NTPCR: variants seen among roughly 807,000 people sequenced by gnomAD.
The protein encoded by NTPCR is cancer-related nucleoside-triphosphatase.
NTPCR carries 15 observed loss-of-function variants against 19.5 expected under a neutral mutation model. That is an observed-to-expected ratio of 0.77 (90% CI 0.51 to 1.18). NTPCR has a LOEUF of 1.18. Among genes scored for constraint, NTPCR ranks in the 50% most tolerant of loss-of-function variants. The pLI is 0.00. For synonymous variants in NTPCR, 90 were observed against 95.8 expected, an observed-to-expected ratio of 0.94 and a Z score of 0.36; for missense variants, 206 against 240.4, an observed-to-expected ratio of 0.86 and a Z score of 0.95.
Position 232,956,455 on chromosome 1 carries a change from A to T in NTPCR, c.294+12A>T. Reference sequence around the variant, plus strand: ...CCGTCTTGAGGAATGTGAGTACGTGATTTCTGCTTTTTGAACCCATCTGCT... The same window carrying T: ...CCGTCTTGAGGAATGTGAGTACGTGTTTTCTGCTTTTTGAACCCATCTGCT... On this transcript the variant is annotated intron_variant, in intron 3 of 4. Transcript: ENST00000366628. 1 of 1,584,532 alleles carries T rather than the reference A, an allele frequency of 6.3e-7. No individual in the cohort carries two copies. The highest frequency in any genetic ancestry group is 8.7e-7 in the Non-Finnish European group (1 of 1,153,356).
chr1:232,951,021 C>T, intron 1 of NTPCR: 1 of 448,382 alleles, frequency 2.2e-6, no homozygotes, highest in East Asian at 4.0e-5. Flanking sequence ...CCAGCGGCAG[C>T]GGTAACTCCT....
intron 3 of NTPCR, 83 bp from the exon 4 acceptor site, chr1:232,969,826 G>T: frequency 8.9e-7 from 1 of 1,126,108 alleles, no homozygotes; most frequent in Non-Finnish European, 1.3e-6. Context: ...TTACCTCATT[G>T]GTGAGTGATT....
chr1:232,965,139 A>T (rs577982631), intron 3 of NTPCR: 1 of 152,262 alleles, frequency 6.6e-6, no homozygotes, highest in African/African-American at 2.4e-5. Context: ...GATTACTCCA[A>T]ATAAATTGAG....
At chr1:232,971,353 C>T (rs773922374) in intron 4 of NTPCR, among the ~76,000 whole-genome samples, 17 of 152,158 alleles carry the variant, frequency 1.1e-4, no homozygotes, top group Non-Finnish European at 2.1e-4. Context: ...GCACCTTCCT[C>T]ATGATCATTT....
intron 3 of NTPCR, among the ~76,000 whole-genome samples, chr1:232,958,571 A>T (rs1259339343): frequency 6.6e-6 from 1 of 152,124 alleles, no homozygotes; most frequent in Non-Finnish European, 1.5e-5. Context: ...TGCTTCTTGG[A>T]ACCCACCAAG....
Position 232,982,444 on chromosome 1 carries a change from C to T in NTPCR, c.*4213C>T, listed in dbSNP as rs1485950894. 6.6e-6 allele frequency: 1 copy of T among 152,204 alleles called. No individual in the cohort carries two copies. The allele number at this position is 152,204 out of a possible 1,614,324, so 9.4% of individuals were successfully genotyped here. A position where few individuals can be genotyped will look rare whatever the true frequency, so the allele number is the denominator to read the frequency against. ...CTGCATTCCTATCTGATTAATGTGACCTTAGTGTTGTAGATACACTGTGTC... is the reference window on the plus strand; with the variant it reads ...CTGCATTCCTATCTGATTAATGTGATCTTAGTGTTGTAGATACACTGTGTC... On this transcript the variant is annotated 3_prime_UTR_variant, in exon 5 of 5. Coordinates refer to ENST00000366628, the MANE Select transcript of NTPCR (RefSeq NM_032324.3).
At chr1:232,951,371 C>T (rs1298857793) in intron 1 of NTPCR, among the ~76,000 whole-genome samples, 1 of 152,090 alleles carries the variant, frequency 6.6e-6, no homozygotes, top group Non-Finnish European at 1.5e-5. Flanking sequence ...GTCGCTGTCC[C>T]CTCCTGATGT....
intron 3 of NTPCR, chr1:232,963,590 T>A (rs1668726357): frequency 6.6e-6 from 1 of 152,190 alleles, no homozygotes. Context: ...TGCGTATCAG[T>A]CTAAAACCAC....
Position 232,950,754 on chromosome 1 carries a change from A to G in NTPCR, c.34+10A>G. 1 of 1,590,320 alleles carries G rather than the reference A, an allele frequency of 6.3e-7. No homozygotes were observed. Among genetic ancestry groups the G allele is most frequent in the East Asian group, 2.3e-5 (1 of 43,516 alleles). On this transcript the variant is annotated intron_variant, in intron 1 of 4. Transcript: ENST00000366628. ...CTAACGGGGCCCCCAGGTAACCCTG[A>G]GGGGATCCCCACCTCCAAGAGGTCG...
intron 2 of NTPCR, 147 bp downstream of exon 2, chr1:232,955,866 G>A: frequency 1.3e-6 from 1 of 747,558 alleles, no homozygotes; most frequent in Non-Finnish European, 2.2e-6. Context: ...TTTAGGTTGA[G>A]AGTGTCTCCC....
rs550180915 is a variant in NTPCR at position 232,955,697 on chromosome 1, C to T, written c.175C>T (p.Arg59Trp). 5.4e-5 allele frequency: 87 copies of T among 1,613,690 alleles called. No individual in the cohort carries two copies. Among genetic ancestry groups the T allele is most frequent in the South Asian group, 3.7e-4 (34 of 91,034 alleles). ...CGATGTCGTCACGTTGTCCGGCACC[C>T]GGGGGCCTTTATCGAGAGTTGGGTA... ...GFDVVTLSGT[R>W]GPLSRVGLEP... The change falls in exon 2 of 5, where the codon CGG becomes TGG. Residue 59 changes from arginine to tryptophan, a missense_variant. Transcript: ENST00000366628.
chr1:232,959,286 G>A (rs143186446), intron 3 of NTPCR, among the ~76,000 whole-genome samples: 8 of 152,214 alleles, frequency 5.3e-5, no homozygotes, highest in Non-Finnish European at 7.4e-5. Context: ...CTCTCCCGCC[G>A]CCACGTGAAG....
intron 3 of NTPCR, among the ~76,000 whole-genome samples, chr1:232,957,287 A>G (rs1007646094): frequency 6.6e-6 from 1 of 152,096 alleles, no homozygotes; most frequent in Non-Finnish European, 1.5e-5. Flanking sequence ...TTTTCTTTGA[A>G]TAATTGATAG....
At chr1:232,962,608 A>G (rs1377344447) in intron 3 of NTPCR, 1 of 152,222 alleles carries the variant, frequency 6.6e-6, no homozygotes, top group East Asian at 1.9e-4. Context: ...TGGAGACAAT[A>G]GATTATAATG....
Position 232,980,579 on chromosome 1 carries a change from CA to C in NTPCR, c.*2349del, listed in dbSNP as rs1292857027. The C allele has an allele frequency of 4.6e-5, 7 of 152,198 alleles. No homozygotes were observed. Among genetic ancestry groups the C allele is most frequent in the Non-Finnish European group, 8.8e-5 (6 of 68,044 alleles). The allele number at this position is 152,198 out of a possible 1,614,324, so 9.4% of individuals were successfully genotyped here. On this transcript the variant is annotated 3_prime_UTR_variant, in exon 5 of 5. Coordinates refer to ENST00000366628, the MANE Select transcript of NTPCR (RefSeq NM_032324.3). ...TGTTGTATTAGTCAAACAGAATGAT[CA>C]TGGAGCATGTATGGAGATGTCAGAT...
chr1:232,953,506 C>A (rs1297305747), intron 1 of NTPCR, among the ~76,000 whole-genome samples: 1 of 152,034 alleles, frequency 6.6e-6, no homozygotes, highest in Non-Finnish European at 1.5e-5. Context: ...CACAGTATAC[C>A]CTTTGTGAAC....
chr1:232,969,636 T>C, intron 3 of NTPCR: 1 of 336,458 alleles, frequency 3.0e-6, no homozygotes, highest in Non-Finnish European at 5.6e-6. Flanking sequence ...TATTCCAATT[T>C]ATGTCCGTTA....
At chr1:232,972,040 C>T (rs1011902853) in intron 4 of NTPCR, among the ~76,000 whole-genome samples, 2 of 152,176 alleles carry the variant, frequency 1.3e-5, no homozygotes, top group African/African-American at 4.8e-5. Flanking sequence ...TCTAATCTAA[C>T]AGTCCTAAGG....
Position 232,950,612 on chromosome 1 carries a change from G to T in NTPCR, c.-99G>T. The T allele has an allele frequency of 1.1e-6, 1 of 947,312 alleles. No individual in the cohort carries two copies. Among genetic ancestry groups the T allele is most frequent in the Non-Finnish European group, 1.7e-6 (1 of 593,090 alleles). The allele number at this position is 947,312 out of a possible 1,614,324, so 58.7% of individuals were successfully genotyped here. A position where few individuals can be genotyped will look rare whatever the true frequency, so the allele number is the denominator to read the frequency against. On this transcript the variant is annotated 5_prime_UTR_variant, in exon 1 of 5. Transcript: ENST00000366628. The stretch of plus-strand genomic sequence containing the variant: ...GGGGCGGGGCCTGCGACACGCGGTG[G>T]GCGGGTCCTGAGTCGCGACCCTGGT...
Sources: gnomAD v4.1 joint callset for allele counts (sites outside exome capture counted in the v4.1 genomes callset) on GRCh38, gnomAD v4.1.1 for gene constraint, MANE v1.5 for transcripts, NCBI Gene and HGNC (gene_info 2026-07-23, HGNC 2026-07-21) for gene names.